FAHD2A: variants seen among roughly 807,000 people sequenced by gnomAD.
FAHD2A encodes fumarylacetoacetate hydrolase domain containing 2A.
In FAHD2A, 27 loss-of-function variants were observed where a neutral mutation model predicts 33.4. That is an observed-to-expected ratio of 0.81 (90% confidence interval 0.60 to 1.11). The LOEUF (loss-of-function observed/expected upper bound fraction) is 1.11. Ranked by LOEUF, FAHD2A falls within the 50% of genes most tolerant of loss-of-function variation. The pLI, the probability that FAHD2A is intolerant of heterozygous loss-of-function variation, is 0.00. For missense variants in FAHD2A, 296 were observed against 395.0 expected (o/e 0.75, Z 2.12); for synonymous variants, 130 against 153.3 (o/e 0.85, Z 1.12).
At chr2:95,417,053 GC>G (rs1174260766), downstream of FAHD2A, among the ~76,000 whole-genome samples, 2 of 152,220 alleles carry the variant, frequency 1.3e-5, no homozygotes, top group African/African-American at 4.8e-5. Flanking sequence ...CACACAGAGT[GC>G]CCCCTCTGCC....
intron 3 of FAHD2A, among the ~76,000 whole-genome samples, chr2:95,408,991 T>C (rs1345599710): frequency 6.6e-6 from 1 of 152,228 alleles, no homozygotes; most frequent in Non-Finnish European, 1.5e-5. Flanking sequence ...ATAGCATGTT[T>C]CACATTCTGG....
At chr2:95,420,466 C>T (rs1683300065), downstream of FAHD2A, among the ~76,000 whole-genome samples, 1 of 151,826 alleles carries the variant, frequency 6.6e-6, no homozygotes, top group African/African-American at 2.4e-5. Flanking sequence ...GAGCAAATCC[C>T]CCTGGGCTTC....
rs1255292971 is a variant in FAHD2A, at chr2:95,413,792, A to G, written c.*835A>G. On this transcript the variant is annotated 3_prime_UTR_variant, in exon 8 of 8. Coordinates refer to ENST00000233379, the MANE Select transcript of FAHD2A (RefSeq NM_016044.3). ...GCAGGAAACCATCCCACCTTCTCCA[A>G]CCCATCACCACGTCTATTGCTGGAA... 8.5e-6 allele frequency: 6 copies of G among 705,692 alleles called. No individual in the cohort carries two copies. The highest frequency in any genetic ancestry group is 1.8e-5 in the South Asian group (1 of 55,356). 43.7% of individuals were successfully genotyped at this position (705,692 alleles called of 1,614,324 possible).
chr2:95,416,469 C>T lies in FAHD2A; in HGVS notation c.*3512C>T. The T allele has an allele frequency of 6.6e-6, 1 of 152,224 alleles. No individual in the cohort carries two copies. Among genetic ancestry groups the T allele is most frequent in the Non-Finnish European group, 1.5e-5 (1 of 68,046 alleles). The allele number at this position is 152,224 out of a possible 1,614,324, so 9.4% of individuals were successfully genotyped here. On this transcript the variant is annotated 3_prime_UTR_variant, in exon 8 of 8. Coordinates refer to ENST00000233379, the MANE Select transcript of FAHD2A (RefSeq NM_016044.3). ...GCTCAGAAAGCCAATTCCCTAGATT[C>T]CAAAGGCCTTCCCAGACCAATTAGC...
Position 95,415,922 on chromosome 2 carries a change from A to AG in FAHD2A, c.*2967dup, listed in dbSNP as rs1339332925. On this transcript the variant is annotated 3_prime_UTR_variant, in exon 8 of 8. Coordinates refer to ENST00000233379, the MANE Select transcript of FAHD2A (RefSeq NM_016044.3). ...TCAACAGATCAGTGCCGACCTGTTA[A>AG]GGCCGTCGAGAGCATCAAATGCTAC... 6.6e-6 allele frequency: 1 copy of AG among 152,238 alleles called. No homozygotes were observed. The highest frequency in any genetic ancestry group is 1.9e-4 in the East Asian group (1 of 5,200). 9.4% of individuals were successfully genotyped at this position (152,238 alleles called of 1,614,324 possible). A position where few individuals can be genotyped will look rare whatever the true frequency, so the allele number is the denominator to read the frequency against.
At chr2:95,412,319 T>G in intron 5 of FAHD2A, 115 bp from the exon 6 acceptor site, 2 of 1,259,846 alleles carry the variant, frequency 1.6e-6, no homozygotes, top group Non-Finnish European at 2.2e-6. Flanking sequence ...ATGTGGGCAC[T>G]TTGAAGCCCT....
chr2:95,407,833 A>G (rs1338125714), intron 3 of FAHD2A, among the ~76,000 whole-genome samples: 1 of 152,222 alleles, frequency 6.6e-6, no homozygotes. Context: ...CACATCCACC[A>G]GTAGTGTATA....
chr2:95,413,969 T>C lies in FAHD2A; in HGVS notation c.*1012T>C. 2.2e-6 allele frequency: 3 copies of C among 1,377,582 alleles called. No homozygotes were observed. The highest frequency in any genetic ancestry group is 3.1e-6 in the Non-Finnish European group (3 of 965,782). 85.3% of individuals were successfully genotyped at this position (1,377,582 alleles called of 1,614,324 possible). ...CACTGGCTCCTCTCACCCCTAGGTC[T>C]CTGAAGGTCCAGATAGCACTGATGG... On this transcript the variant is annotated 3_prime_UTR_variant, in exon 8 of 8. Coordinates refer to ENST00000233379, the MANE Select transcript of FAHD2A (RefSeq NM_016044.3).
Position 95,413,211 on chromosome 2 carries a change from G to A in FAHD2A, c.*254G>A, listed in dbSNP as rs897875915. ...GGCATTTTGTGGGACTGGGGAAGAA[G>A]AGAGCAAATACACACACATATGCCA... On this transcript the variant is annotated 3_prime_UTR_variant, in exon 8 of 8. Transcript: ENST00000233379. The A allele has an allele frequency of 3.7e-6, 4 of 1,081,420 alleles. No individual in the cohort carries two copies. The African/African-American group carries it at 4.8e-5, about 13-fold the overall frequency. 67.0% of individuals were successfully genotyped at this position (1,081,420 alleles called of 1,614,324 possible).
rs1243863783 is a variant in FAHD2A, at chr2:95,415,593, C to G, written c.*2636C>G. The G allele has an allele frequency of 6.6e-6, 1 of 152,610 alleles. No individual in the cohort carries two copies. The highest frequency in any genetic ancestry group is 1.5e-5 in the Non-Finnish European group (1 of 68,040). 9.5% of individuals were successfully genotyped at this position (152,610 alleles called of 1,614,324 possible). On this transcript the variant is annotated 3_prime_UTR_variant, in exon 8 of 8. Coordinates refer to ENST00000233379, the MANE Select transcript of FAHD2A (RefSeq NM_016044.3). ...AGCTGTTTATCTTCTGCCTGTCAGG[C>G]AGGCGGCAACACTCTCCATGTATCA...
chr2:95,411,285 T>TG (rs1682456145), intron 5 of FAHD2A, among the ~76,000 whole-genome samples: 1 of 152,210 alleles, frequency 6.6e-6, no homozygotes, highest in Non-Finnish European at 1.5e-5. Context: ...ACTGAGCTGA[T>TG]GGGTGGATCG....
chr2:95,420,010 G>A (rs562259213), downstream of FAHD2A, among the ~76,000 whole-genome samples: 2 of 152,038 alleles, frequency 1.3e-5, no homozygotes, highest in Non-Finnish European at 2.9e-5. Flanking sequence ...TTCCAATGCT[G>A]TAAGTTCCAG....
Position 95,405,595 on chromosome 2 carries a change from C to G in FAHD2A, c.37C>G (p.Leu13Val). Reference protein sequence around the residue: ...VSGRRRLLTVLLQAQKWPFQP... With the variant: ...VSGRRRLLTVVLQAQKWPFQP... The stretch of plus-strand genomic sequence containing the variant: ...TGGTAGAAGAAGGTTACTCACAGTT[C>G]TGCTGCAGGCTCAGAAGTGGCCCTT... The change falls in exon 2 of 8, where the codon CTG (leucine) becomes GTG (valine). Residue 13 changes from leucine to valine, a missense_variant. Transcript: ENST00000233379. 2.5e-6 allele frequency: 4 copies of G among 1,613,952 alleles called. No individual in the cohort carries two copies. The highest frequency in any genetic ancestry group is 3.4e-6 in the Non-Finnish European group (4 of 1,179,850).
rs999677757 is a variant in FAHD2A, at chr2:95,414,931, A to G, written c.*1974A>G. 6.6e-6 allele frequency: 1 copy of G among 152,398 alleles called. No homozygotes were observed. The highest frequency in any genetic ancestry group is 2.4e-5 in the African/African-American group (1 of 41,382). 9.4% of individuals were successfully genotyped at this position (152,398 alleles called of 1,614,324 possible). On this transcript the variant is annotated 3_prime_UTR_variant, in exon 8 of 8. Coordinates refer to ENST00000233379, the MANE Select transcript of FAHD2A (RefSeq NM_016044.3). ...TAAAAAAAAACAAAAAACAAAACCA[A>G]TAACTCAGTAAGCAGATTAAACAAA...
intron 3 of FAHD2A, chr2:95,407,393 A>T (rs1681771020): frequency 8.1e-6 from 5 of 617,104 alleles, no homozygotes; most frequent in African/African-American, 1.8e-5. Context: ...GATAAACATT[A>T]AAAAATTATG....
chr2:95,413,823 C>G lies in FAHD2A; in HGVS notation c.*866C>G. 1.4e-6 allele frequency: 1 copy of G among 726,014 alleles called. No individual in the cohort carries two copies. Among genetic ancestry groups the G allele is most frequent in the Non-Finnish European group, 2.4e-6 (1 of 412,844 alleles). The allele number at this position is 726,014 out of a possible 1,614,324, so 45.0% of individuals were successfully genotyped here. On this transcript the variant is annotated 3_prime_UTR_variant, in exon 8 of 8. Transcript: ENST00000233379. ...CACCACGTCTATTGCTGGAAGACAC[C>G]AAGTAAATCCCAGGGTCTTAATGAG... is the stretch of plus-strand genomic sequence containing the variant.
Position 95,413,226 on chromosome 2 carries a change from CACAT to C in FAHD2A, c.*271_*274del. The C allele has an allele frequency of 8.8e-7, 1 of 1,130,020 alleles. No individual in the cohort carries two copies. The highest frequency in any genetic ancestry group is 1.2e-6 in the Non-Finnish European group (1 of 809,434). 70.0% of individuals were successfully genotyped at this position (1,130,020 alleles called of 1,614,324 possible). A position where few individuals can be genotyped will look rare whatever the true frequency, so the allele number is the denominator to read the frequency against. On this transcript the variant is annotated 3_prime_UTR_variant, in exon 8 of 8. Coordinates refer to ENST00000233379, the MANE Select transcript of FAHD2A (RefSeq NM_016044.3). ...TGGGGAAGAAGAGAGCAAATACACA[CACAT>C]ATGCCAAAAAGATGCTGCTGGGCTG... is the stretch of plus-strand genomic sequence containing the variant.
At chr2:95,404,905 T>C (rs1681282279) in intron 1 of FAHD2A, among the ~76,000 whole-genome samples, 1 of 152,222 alleles carries the variant, frequency 6.6e-6, no homozygotes, top group Admixed American at 6.5e-5. Flanking sequence ...GTGGGGGCGC[T>C]GCTCCTAGAA....
rs898625084 is a variant in FAHD2A at position 95,415,650 on chromosome 2, C to T, written c.*2693C>T. On this transcript the variant is annotated 3_prime_UTR_variant, in exon 8 of 8. Coordinates refer to ENST00000233379, the MANE Select transcript of FAHD2A (RefSeq NM_016044.3). ...AGCCGTGCAGTCCTCACTCTCTTGC[C>T]CAGGTAAGCTGGGGAAGAGCCTGCT... 2 of 152,630 alleles carry T rather than the reference C, an allele frequency of 1.3e-5. No homozygotes were observed. Among genetic ancestry groups the T allele is most frequent in the African/African-American group, 4.8e-5 (2 of 41,446 alleles). 9.5% of individuals were successfully genotyped at this position (152,630 alleles called of 1,614,324 possible). A position where few individuals can be genotyped will look rare whatever the true frequency, so the allele number is the denominator to read the frequency against.
Sources: gnomAD v4.1 joint callset for allele counts (sites outside exome capture counted in the v4.1 genomes callset) on GRCh38, gnomAD v4.1.1 for gene constraint, MANE v1.5 for transcripts, NCBI Gene and HGNC (gene_info 2026-07-23, HGNC 2026-07-21) for gene names.